The following BNC2 variants were observed in gnomAD, a reference collection of about 807,000 sequenced individuals.
The protein encoded by BNC2 is basonuclin zinc finger protein 2.
In BNC2, 20 loss-of-function variants were observed where a neutral mutation model predicts 76.3. That is an observed-to-expected ratio of 0.26 (90% CI 0.18 to 0.38). The LOEUF (loss-of-function observed/expected upper bound fraction) is 0.38. Among genes scored for constraint, BNC2 ranks in the 10% least tolerant of loss-of-function variants. The pLI, the probability that BNC2 is intolerant of heterozygous loss-of-function variation, is 1.00. For synonymous variants in BNC2, 582 were observed against 514.8 expected, an observed-to-expected ratio of 1.13 and a Z score of -1.77; for missense variants, 1,382 against 1,399.8, an observed-to-expected ratio of 0.99 and a Z score of 0.20.
intron 3 of BNC2, among the ~76,000 whole-genome samples, chr9:16,592,220 T>G (rs968318534): frequency 6.6e-6 from 1 of 152,160 alleles, no homozygotes; most frequent in Non-Finnish European, 1.5e-5. Flanking sequence ...CTGGGAAAAG[T>G]TGACCTTTGA....
At chr9:16,649,235 A>G (rs187461155) in intron 3 of BNC2, among the ~76,000 whole-genome samples, 4 of 152,308 alleles carry the variant, frequency 2.6e-5, no homozygotes, top group Admixed American at 2.6e-4. Flanking sequence ...GTTGCAAAGC[A>G]GTGTGTGCTA....
At chr9:16,614,323 A>T (rs1038594369) in intron 3 of BNC2, among the ~76,000 whole-genome samples, 1 of 152,178 alleles carries the variant, frequency 6.6e-6, no homozygotes, top group Non-Finnish European at 1.5e-5. Context: ...CTTACTCATC[A>T]CAGCCTCCAA....
chr9:16,639,543 A>T (rs948243582), intron 3 of BNC2, among the ~76,000 whole-genome samples: 2 of 152,076 alleles, frequency 1.3e-5, no homozygotes, highest in East Asian at 1.9e-4. Context: ...CTCATATCAA[A>T]TTTTTTTATG....
intron 3 of BNC2, among the ~76,000 whole-genome samples, chr9:16,659,771 C>T (rs564217247): frequency 6.6e-6 from 1 of 152,198 alleles, no homozygotes; most frequent in African/African-American, 2.4e-5. Flanking sequence ...CTTTTCTTGG[C>T]CACACGATGT....
chr9:16,775,729 C>A (rs73646248), intron 1 of BNC2: 3,300 of 217,470 alleles, frequency 0.015, 121 homozygotes, highest in African/African-American at 0.072. Flanking sequence ...GTGTGTCATT[C>A]TCATTTTCCA....
chr9:16,846,139 C>CA (rs35798416), intron 1 of BNC2, among the ~76,000 whole-genome samples: 216 of 109,534 alleles, frequency 2.0e-3, no homozygotes, highest in Non-Finnish European at 3.0e-3. Flanking sequence ...GACACCGTCT[C>CA]AAAAAAAAAA....
intron 3 of BNC2, among the ~76,000 whole-genome samples, chr9:16,600,785 T>C (rs556714204): frequency 1.1e-3 from 160 of 152,144 alleles, no homozygotes; most frequent in Non-Finnish European, 2.0e-3. Context: ...GCTAGGGTTA[T>C]ACATGAATAA....
chr9:16,739,713 G>A (rs552968412), intron 1 of BNC2, among the ~76,000 whole-genome samples: 6 of 151,838 alleles, frequency 4.0e-5, no homozygotes, highest in South Asian at 2.1e-4. Context: ...CTGGCAATAC[G>A]GCTGGAGAAA....
intron 5 of BNC2, among the ~76,000 whole-genome samples, chr9:16,443,279 A>G (rs1821167123): frequency 6.6e-6 from 1 of 152,150 alleles, no homozygotes; most frequent in Non-Finnish European, 1.5e-5. Context: ...AAACAAAATC[A>G]GAGGTTTGTG....
chr9:16,686,120 T>C (rs2134354404), intron 3 of BNC2, among the ~76,000 whole-genome samples: 1 of 152,342 alleles, frequency 6.6e-6, no homozygotes, highest in Non-Finnish European at 1.5e-5. Context: ...TTATTTTTCC[T>C]GTTCCTGGTG....
intron 3 of BNC2, among the ~76,000 whole-genome samples, chr9:16,595,846 C>G (rs1820052597): frequency 6.6e-6 from 1 of 152,014 alleles, no homozygotes; most frequent in African/African-American, 2.4e-5. Flanking sequence ...TTGTCAGGAA[C>G]TTTGAGCTAA....
intron 1 of BNC2, among the ~76,000 whole-genome samples, chr9:16,851,403 G>C (rs1819124064): frequency 6.6e-6 from 1 of 152,216 alleles, no homozygotes; most frequent in East Asian, 1.9e-4. Context: ...CTACTCAGGA[G>C]GCTGAGGCAG....
chr9:16,421,406 T>TA (rs745809857), intron 6 of BNC2: 4 of 632,292 alleles, frequency 6.3e-6, no homozygotes, highest in East Asian at 6.9e-5. Flanking sequence ...TTGAAAAACT[T>TA]AAACAATAAA....
At chr9:16,779,926 T>C (rs1056673512) in intron 1 of BNC2, among the ~76,000 whole-genome samples, 6 of 152,270 alleles carry the variant, frequency 3.9e-5, no homozygotes, top group African/African-American at 1.4e-4. Flanking sequence ...TAGTGATAGT[T>C]AGACAATATA....
rs1434332120 is a variant in BNC2, at chr9:16,413,525, A to T, written c.*5464T>A. The T allele has an allele frequency of 6.6e-6, 1 of 152,168 alleles. No individual in the cohort carries two copies. Among genetic ancestry groups the T allele is most frequent in the Non-Finnish European group, 1.5e-5 (1 of 68,028 alleles). 9.4% of individuals were successfully genotyped at this position (152,168 alleles called of 1,614,324 possible). On this transcript the variant is annotated 3_prime_UTR_variant, in exon 7 of 7. Transcript: ENST00000380672. ...TATTGCCGAATGAGCACAGAAAATC[A>T]TTTTGCGCAAGATGTGGGAAGGATG...
At chr9:16,434,944 C>T (rs1820974994) in intron 6 of BNC2, 1 of 470,288 alleles carries the variant, frequency 2.1e-6, no homozygotes, top group Non-Finnish European at 4.4e-6. Context: ...TTACATCTAT[C>T]CCATTTCCTT....
At chr9:16,695,263 G>C (rs759923659) in intron 3 of BNC2, among the ~76,000 whole-genome samples, 5 of 152,000 alleles carry the variant, frequency 3.3e-5, no homozygotes, top group Non-Finnish European at 7.4e-5. Flanking sequence ...CTTACCCAAT[G>C]GTAAGTAATA....
At chr9:16,843,753 G>A (rs1160987643) in intron 1 of BNC2, among the ~76,000 whole-genome samples, 1 of 152,202 alleles carries the variant, frequency 6.6e-6, no homozygotes, top group African/African-American at 2.4e-5. Context: ...TGTGTGGAAG[G>A]AGAAGAGGTT....
At chr9:16,469,042 A>G (rs1821758862) in intron 5 of BNC2, among the ~76,000 whole-genome samples, 1 of 152,224 alleles carries the variant, frequency 6.6e-6, no homozygotes, top group Non-Finnish European at 1.5e-5. Context: ...TGAGCTTTTC[A>G]GCTTATGTGC....
Sources: allele counts gnomAD v4.1 joint callset (sites outside exome capture counted in the v4.1 genomes callset), GRCh38; gene constraint gnomAD v4.1.1; transcripts MANE v1.5; gene names NCBI Gene and HGNC (gene_info 2026-07-23, HGNC 2026-07-21).